Variants in RBL1 observed in about 807,000 individuals in gnomAD.
The protein encoded by RBL1 is retinoblastoma-like protein 1.
A neutral mutation model predicts 123.0 loss-of-function variants in RBL1; 82 were observed. That is an observed-to-expected ratio of 0.67 (90% confidence interval 0.56 to 0.80). The LOEUF (loss-of-function observed/expected upper bound fraction) is 0.80. Among genes scored for constraint, RBL1 ranks in the 30% least tolerant of loss-of-function variants. RBL1 has a pLI of 0.00. For synonymous variants in RBL1, 405 were observed against 441.3 expected (o/e 0.92, Z 1.03); for missense variants, 1,171 against 1,299.6 (o/e 0.90, Z 1.52).
At chr20:37,006,450 C>T (rs2064074436) in intron 20 of RBL1, among the ~76,000 whole-genome samples, 1 of 151,514 alleles carries the variant, frequency 6.6e-6, no homozygotes, top group African/African-American at 2.4e-5. Context: ...GCCTAGGCCT[C>T]CCAAAGTGCT....
Position 37,042,145 on chromosome 20 carries a change from C to T in RBL1, c.1771-1860G>A, listed in dbSNP as rs1261274002. 6.6e-5 allele frequency among the ~76,000 whole-genome samples: 10 copies of T among 150,524 alleles called. No homozygotes were observed. The South Asian group carries it at 1.9e-3, about 29-fold the overall frequency. On this transcript the variant is annotated intron_variant, in intron 13 of 21. Coordinates refer to ENST00000373664, the MANE Select transcript of RBL1 (RefSeq NM_002895.5). ...GAGAAACATTTTGCAAATCATTTAT[C>T]TGATAAGGGATTTGTATCTAGAATA... is the stretch of plus-strand genomic sequence containing the variant.
At chr20:37,028,074 A>G (rs1447588073) in intron 16 of RBL1, among the ~76,000 whole-genome samples, 1 of 152,190 alleles carries the variant, frequency 6.6e-6, no homozygotes, top group Admixed American at 6.5e-5. Context: ...AATAAAAATT[A>G]TGAGTAACAG....
In RBL1 at chr20:36,998,627, T is replaced by A. The variant is rs1425708359; in HGVS notation, c.*132A>T. 5.3e-6 allele frequency: 4 copies of A among 760,690 alleles called. No homozygotes were observed. Among genetic ancestry groups the A allele is most frequent in the East Asian group, 2.9e-5 (1 of 34,374 alleles). The allele number at this position is 760,690 out of a possible 1,614,324, so 47.1% of individuals were successfully genotyped here. On this transcript the variant is annotated 3_prime_UTR_variant, in exon 22 of 22. Coordinates refer to ENST00000373664, the MANE Select transcript of RBL1 (RefSeq NM_002895.5). ...TTGGATAAATATTTTAAAAAGCACA[T>A]AATTTTTGTGCAATTTTTTCTTATA... is the stretch of plus-strand genomic sequence containing the variant.
At position 37,075,309 on chromosome 20, in the gene RBL1, C is replaced by T. The variant is rs1004815453; in HGVS notation, c.291-7123G>A. Among the ~76,000 whole-genome samples, 5 of 151,986 alleles carry T rather than the reference C, an allele frequency of 3.3e-5. No individual in the cohort carries two copies. The East Asian group carries it at 7.7e-4, about 23-fold the overall frequency. ...GGTGGTACACAACTCTGTGAAAATACAAAAAACCATGGAACTGTACAGTTT... is the reference window on the plus strand; with the variant it reads ...GGTGGTACACAACTCTGTGAAAATATAAAAAACCATGGAACTGTACAGTTT... On this transcript the variant is annotated intron_variant, in intron 2 of 21. Coordinates refer to ENST00000373664, the MANE Select transcript of RBL1 (RefSeq NM_002895.5).
At chr20:37,067,862 T>C in intron 3 of RBL1, 124 bp downstream of exon 3, 2 of 1,164,006 alleles carry the variant, frequency 1.7e-6, no homozygotes, top group Middle Eastern at 3.0e-4. Context: ...TACATGGATT[T>C]AAAAAGAAAA....
chr20:37,069,695 T>G (rs2065250606), intron 2 of RBL1, among the ~76,000 whole-genome samples: 1 of 151,008 alleles, frequency 6.6e-6, no homozygotes, highest in Non-Finnish European at 1.5e-5. Context: ...CCACCCAGTC[T>G]GGGAAGTGAG....
intron 11 of RBL1, among the ~76,000 whole-genome samples, chr20:37,047,762 T>C (rs2064840314): frequency 6.6e-6 from 1 of 152,162 alleles, no homozygotes; most frequent in South Asian, 2.1e-4. Flanking sequence ...GGTGGATTGC[T>C]TGAGGTCAGG....
chr20:37,056,350 T>TC (rs2065006107), intron 9 of RBL1, 92 bp from the exon 10 acceptor site: 5 of 1,209,652 alleles, frequency 4.1e-6, no homozygotes, highest in Non-Finnish European at 5.3e-6. Flanking sequence ...GCCTTCTTCT[T>TC]CTTTTTTTTT....
At chr20:37,074,291 G>C (rs971066573) in intron 2 of RBL1, among the ~76,000 whole-genome samples, 36 of 151,740 alleles carry the variant, frequency 2.4e-4, no homozygotes, top group African/African-American at 8.7e-4. Context: ...GCATGCACCT[G>C]TGATCTTAGC....
intron 14 of RBL1, among the ~76,000 whole-genome samples, chr20:37,037,006 G>A (rs1171511616): frequency 1.3e-5 from 2 of 152,108 alleles, no homozygotes; most frequent in African/African-American, 4.8e-5. Flanking sequence ...TATTAGTGAG[G>A]TGATTGGGAA....
At chr20:37,025,586 G>A (rs1456971763) in intron 16 of RBL1, among the ~76,000 whole-genome samples, 2 of 152,048 alleles carry the variant, frequency 1.3e-5, no homozygotes, top group Non-Finnish European at 2.9e-5. Flanking sequence ...CAGCATTGGT[G>A]TATGTAACTT....
intron 19 of RBL1, among the ~76,000 whole-genome samples, chr20:37,016,001 G>A (rs892207838): frequency 1.9e-4 from 29 of 149,032 alleles, no homozygotes; most frequent in Non-Finnish European, 1.6e-4. Flanking sequence ...GATTACAGGC[G>A]TGAGCCACCG....
chr20:37,035,595 C>A, intron 14 of RBL1, 87 bp from the exon 15 acceptor site: 1 of 1,169,038 alleles, frequency 8.6e-7, no homozygotes, highest in Non-Finnish European at 1.2e-6. Context: ...TAGTGAGTTA[C>A]TTATGCTGGG....
At chr20:37,018,088 G>T (rs1301686976) in intron 19 of RBL1, among the ~76,000 whole-genome samples, 191 bp downstream of exon 19, 1 of 152,158 alleles carries the variant, frequency 6.6e-6, no homozygotes, top group Admixed American at 6.6e-5. Flanking sequence ...ACAATTAACA[G>T]GGGACAAATT....
At chr20:37,063,727 G>C (rs979101732) in intron 7 of RBL1, among the ~76,000 whole-genome samples, 1 of 151,842 alleles carries the variant, frequency 6.6e-6, no homozygotes, top group Admixed American at 6.6e-5. Context: ...GGCCAGGCTG[G>C]TCTCAAACTC....
At chr20:37,065,511 A>C (rs1464234812) in intron 6 of RBL1, 38 bp from the exon 7 acceptor site, 1 of 1,401,728 alleles carries the variant, frequency 7.1e-7, no homozygotes, top group Non-Finnish European at 1.0e-6. Flanking sequence ...CCATATAATT[A>C]AGCATATTAA....
chr20:37,034,758 T>A (rs886773960), intron 15 of RBL1, among the ~76,000 whole-genome samples: 3 of 151,060 alleles, frequency 2.0e-5, no homozygotes, highest in Middle Eastern at 3.4e-3. Context: ...TTATAAAATT[T>A]AAAAATAAAA....
chr20:37,044,146 G>C lies in RBL1; in HGVS notation c.1710C>G (p.His570Gln). Residue 570 changes from histidine (H) to glutamine (Q), a missense_variant, in exon 13 of 22, where the codon CAC becomes CAG. His to Gln is a conservative substitution (Grantham distance 24, BLOSUM62 0). Transcript: ENST00000373664. ...GGAGAGCCTCCCACAGTGCAGAATC[G>C]TGACTCCATGCTAAACTCTCCAAAA... ...EQILESLAWS[H>Q]DSALWEALQV... The C allele has an allele frequency of 6.2e-7, 1 of 1,612,544 alleles. No homozygotes were observed. The highest frequency in any genetic ancestry group is 2.2e-5 in the East Asian group (1 of 44,782).
intron 19 of RBL1, among the ~76,000 whole-genome samples, chr20:37,018,068 C>T (rs533756087): frequency 6.6e-6 from 1 of 152,162 alleles, no homozygotes; most frequent in Non-Finnish European, 1.5e-5. Context: ...TAGAAAACTT[C>T]TTCCAAAACA....
Sources: gnomAD v4.1 joint callset for allele counts (sites outside exome capture counted in the v4.1 genomes callset) on GRCh38, gnomAD v4.1.1 for gene constraint, MANE v1.5 for transcripts, NCBI Gene and HGNC (gene_info 2026-07-23, HGNC 2026-07-21) for gene names.